Variants in NBAS observed in about 807,000 individuals in gnomAD.
NBAS encodes NAG/BC035112 fusion.
Under a neutral mutation model 302.5 loss-of-function variants are expected in NBAS, and 219 were observed. The ratio of observed to expected loss-of-function variants is 0.72; its 90% CI spans 0.65 to 0.81. NBAS has a LOEUF of 0.81. Among genes scored for constraint, NBAS ranks in the 30% least tolerant of loss-of-function variants. The pLI, the probability that NBAS is intolerant of heterozygous loss-of-function variation, is 0.00. For synonymous variants in NBAS, 1,118 were observed against 1,021.6 expected, an observed-to-expected ratio of 1.09 and a Z score of -1.80; for missense variants, 2,932 against 2,841.6, an observed-to-expected ratio of 1.03 and a Z score of -0.72.
At chr2:14,835,168 G>A in the NBAS span, among the ~76,000 whole-genome samples, 44,606 of 151,730 alleles carry the variant, frequency 0.29, 7,119 homozygotes, top group East Asian at 0.4. Context: ...ACAGATTTTT[G>A]AGGTAAGACC....
intron 21 of NBAS, among the ~76,000 whole-genome samples, chr2:15,438,666 A>G (rs1334295934): frequency 6.6e-6 from 1 of 152,218 alleles, no homozygotes; most frequent in Non-Finnish European, 1.5e-5. Flanking sequence ...CTCTAAACAG[A>G]GCCTGGCAGG....
At chr2:15,456,914 G>C (rs1332577298) in intron 21 of NBAS, among the ~76,000 whole-genome samples, 2 of 152,064 alleles carry the variant, frequency 1.3e-5, no homozygotes, top group East Asian at 3.9e-4. Flanking sequence ...AAGAGAAACA[G>C]AGTATAGGCA....
chr2:14,924,023 C>T, the NBAS span, among the ~76,000 whole-genome samples: 1 of 152,154 alleles, frequency 6.6e-6, no homozygotes, highest in Non-Finnish European at 1.5e-5. Context: ...CTCGCATATG[C>T]AATCACTTGG....
At chr2:15,338,989 T>C (rs987563383) in intron 35 of NBAS, among the ~76,000 whole-genome samples, 1 of 152,112 alleles carries the variant, frequency 6.6e-6, no homozygotes, top group Non-Finnish European at 1.5e-5. Flanking sequence ...CACTCCAGCA[T>C]TGGTGACACA....
At chr2:14,836,656 A>G in the NBAS span, among the ~76,000 whole-genome samples, 4 of 151,906 alleles carry the variant, frequency 2.6e-5, no homozygotes, top group African/African-American at 9.7e-5. Flanking sequence ...TATCTAGCAG[A>G]AGATATATTA....
At chr2:14,982,977 C>T in the NBAS span, among the ~76,000 whole-genome samples, 16 of 152,040 alleles carry the variant, frequency 1.1e-4, no homozygotes, top group African/African-American at 3.4e-4. Context: ...GAACCAGGTA[C>T]GGGAGGAGTA....
chr2:15,504,323 T>C, intron 10 of NBAS, 110 bp from the exon 11 acceptor site: 1 of 931,818 alleles, frequency 1.1e-6, no homozygotes, highest in Non-Finnish European at 1.7e-6. Flanking sequence ...TTTTTTTAAT[T>C]GATTAAAGAA....
the NBAS span, among the ~76,000 whole-genome samples, chr2:15,072,313 G>A: frequency 1.3e-5 from 2 of 152,100 alleles, no homozygotes; most frequent in Non-Finnish European, 2.9e-5. Flanking sequence ...TTATTCTTCA[G>A]TGAAGTTCCT....
chr2:15,133,100 C>T, the NBAS span, among the ~76,000 whole-genome samples: 1 of 152,176 alleles, frequency 6.6e-6, no homozygotes, highest in Non-Finnish European at 1.5e-5. Context: ...AGTGTGTCTG[C>T]TCCATCAGTT....
At chr2:14,968,625 A>T in the NBAS span, among the ~76,000 whole-genome samples, 2 of 152,170 alleles carry the variant, frequency 1.3e-5, no homozygotes, top group Non-Finnish European at 2.9e-5. Flanking sequence ...TCATTAGGGA[A>T]ATCCAAAACA....
At chr2:15,479,813 G>A (rs530368906) in intron 12 of NBAS, among the ~76,000 whole-genome samples, 13 of 152,306 alleles carry the variant, frequency 8.5e-5, no homozygotes, top group African/African-American at 3.1e-4. Context: ...ACAAGGTGAA[G>A]ATGTGTTCTT....
chr2:15,217,359 TGA>T (rs1477340964), intron 48 of NBAS, among the ~76,000 whole-genome samples: 1 of 152,238 alleles, frequency 6.6e-6, no homozygotes, highest in Non-Finnish European at 1.5e-5. Flanking sequence ...ACAATAGTAT[TGA>T]CCTCTTCATC....
the NBAS span, among the ~76,000 whole-genome samples, chr2:15,015,848 G>T: frequency 6.6e-6 from 1 of 152,048 alleles, no homozygotes; most frequent in Non-Finnish European, 1.5e-5. Flanking sequence ...AAGTCACATT[G>T]TCCCAGTTTG....
At chr2:15,133,292 G>A in the NBAS span, among the ~76,000 whole-genome samples, 1 of 151,462 alleles carries the variant, frequency 6.6e-6, no homozygotes, top group Admixed American at 6.6e-5. Flanking sequence ...TCAAGAAGAG[G>A]GAAGAAGATC....
At chr2:15,337,310 G>T (rs1162410443) in intron 35 of NBAS, among the ~76,000 whole-genome samples, 1 of 152,044 alleles carries the variant, frequency 6.6e-6, no homozygotes, top group East Asian at 1.9e-4. Flanking sequence ...GGGGGAAAGG[G>T]TGGGAAGGAG....
chr2:15,414,578 C>T (rs1353907840), intron 25 of NBAS, among the ~76,000 whole-genome samples: 1 of 152,170 alleles, frequency 6.6e-6, no homozygotes, highest in East Asian at 1.9e-4. Flanking sequence ...TATGAGCAAT[C>T]ATTTGTACCC....
intron 35 of NBAS, among the ~76,000 whole-genome samples, chr2:15,342,184 A>T (rs1041427118): frequency 6.6e-6 from 1 of 152,200 alleles, no homozygotes; most frequent in Non-Finnish European, 1.5e-5. Context: ...ATATACAAAG[A>T]TGTGTACGTA....
chr2:15,092,763 G>A, the NBAS span, among the ~76,000 whole-genome samples: 1 of 152,158 alleles, frequency 6.6e-6, no homozygotes, highest in African/African-American at 2.4e-5. Context: ...TATGAAGTCG[G>A]CTTTAAAAAA....
intron 15 of NBAS, 128 bp from the exon 16 acceptor site, chr2:15,473,475 G>A: frequency 8.4e-7 from 1 of 1,190,020 alleles, no homozygotes; most frequent in Non-Finnish European, 1.2e-6. Flanking sequence ...TGTGCACTGT[G>A]GCACCAGAAG....
Sources: allele counts gnomAD v4.1 joint callset (sites outside exome capture counted in the v4.1 genomes callset), GRCh38; gene constraint gnomAD v4.1.1; transcripts MANE v1.5; gene names NCBI Gene and HGNC (gene_info 2026-07-23, HGNC 2026-07-21).